B3GALT1: variants seen among roughly 807,000 people sequenced by gnomAD.
B3GALT1 encodes beta-1,3-galactosyltransferase 1, also known as UDP-Gal:betaGlcNAc beta 1,3-galactosyltransferase, polypeptide 1.
In B3GALT1, 10 loss-of-function variants were observed where a neutral mutation model predicts 23.2. The ratio of observed to expected loss-of-function variants is 0.43; its 90% CI spans 0.27 to 0.73. The LOEUF (loss-of-function observed/expected upper bound fraction) is 0.73. B3GALT1 is among the 30% of genes least tolerant of loss of function. The pLI, the probability that B3GALT1 is intolerant of heterozygous loss-of-function variation, is 0.21. For synonymous variants in B3GALT1, 156 were observed against 141.5 expected (o/e 1.10, Z -0.73); for missense variants, 299 against 405.4 (o/e 0.74, Z 2.25).
chr2:167,593,321 T>C (rs1056350968), intron 2 of B3GALT1, among the ~76,000 whole-genome samples: 2 of 152,128 alleles, frequency 1.3e-5, no homozygotes, highest in African/African-American at 2.4e-5. Flanking sequence ...TCCCAAGATA[T>C]TATTGACTGA....
At chr2:167,752,579 C>A (rs1462014901) in intron 3 of B3GALT1, among the ~76,000 whole-genome samples, 1 of 143,426 alleles carries the variant, frequency 7.0e-6, no homozygotes, top group Admixed American at 7.0e-5. Flanking sequence ...TCCTCCCCCC[C>A]GCCCCTCTCC....
Position 167,676,950 on chromosome 2 carries a change from G to A in B3GALT1, c.-352+29984G>A, listed in dbSNP as rs1258191168. 3.3e-5 allele frequency among the ~76,000 whole-genome samples: 5 copies of A among 152,074 alleles called. No individual in the cohort carries two copies. The East Asian group carries it at 9.6e-4, about 29-fold the overall frequency. Reference sequence around the variant, plus strand: ...CAAAGTTATTTTAAAATTCAAATTTGGTCCTGTTTCTTCCTTGATCAAAAA... The same window carrying A: ...CAAAGTTATTTTAAAATTCAAATTTAGTCCTGTTTCTTCCTTGATCAAAAA... On this transcript the variant is annotated intron_variant, in intron 3 of 4. Coordinates refer to ENST00000392690, the MANE Select transcript of B3GALT1 (RefSeq NM_020981.4).
At chr2:167,332,554 G>C (rs1410209065) in intron 1 of B3GALT1, among the ~76,000 whole-genome samples, 1 of 152,218 alleles carries the variant, frequency 6.6e-6, no homozygotes, top group Non-Finnish European at 1.5e-5. Flanking sequence ...TCCAAAGGCT[G>C]TTTCACAGCA....
chr2:167,578,144 G>T (rs990450022), intron 2 of B3GALT1, among the ~76,000 whole-genome samples: 3 of 151,886 alleles, frequency 2.0e-5, no homozygotes, highest in Admixed American at 6.6e-5. Flanking sequence ...ATTGGCATGT[G>T]AGCAATTACT....
intron 3 of B3GALT1, among the ~76,000 whole-genome samples, chr2:167,742,026 C>A (rs887880638): frequency 6.6e-6 from 1 of 151,070 alleles, no homozygotes; most frequent in Non-Finnish European, 1.5e-5. Context: ...GTCAGGTGTG[C>A]ATAACAGACT....
chr2:167,357,018 A>ATG (rs981311341), intron 1 of B3GALT1, among the ~76,000 whole-genome samples: 107 of 150,896 alleles, frequency 7.1e-4, no homozygotes, highest in African/African-American at 2.6e-3. Context: ...CCCAGTTTGT[A>ATG]TGTGTGTGTG....
chr2:167,698,441 G>A (rs1686820212), intron 3 of B3GALT1, among the ~76,000 whole-genome samples: 1 of 152,152 alleles, frequency 6.6e-6, no homozygotes, highest in Non-Finnish European at 1.5e-5. Context: ...GGAGATTAGA[G>A]ATTATCTCCC....
chr2:167,523,418 G>C (rs2105363035), intron 2 of B3GALT1, among the ~76,000 whole-genome samples: 1 of 141,998 alleles, frequency 7.0e-6, no homozygotes, highest in Admixed American at 7.4e-5. Flanking sequence ...AAAGTTTCTT[G>C]TGTATCCCTT....
At chr2:167,332,034 A>C (rs553321488) in intron 1 of B3GALT1, among the ~76,000 whole-genome samples, 1 of 152,202 alleles carries the variant, frequency 6.6e-6, no homozygotes, top group Non-Finnish European at 1.5e-5. Flanking sequence ...AAATGGTGCC[A>C]TGCTGCTTCT....
chr2:167,803,118 A>ACC (rs1553489038), intron 3 of B3GALT1, among the ~76,000 whole-genome samples: 5 of 146,854 alleles, frequency 3.4e-5, no homozygotes, highest in African/African-American at 1.3e-4. Context: ...ACACACACAC[A>ACC]CACCCCTTGG....
At chr2:167,631,568 A>G (rs1226153088) in intron 2 of B3GALT1, 1 of 151,712 alleles carries the variant, frequency 6.6e-6, no homozygotes, top group Admixed American at 6.6e-5. Context: ...TTTTTTTACT[A>G]ATCTGGGTTC....
chr2:167,415,172 TGAA>T (rs1698448931), intron 1 of B3GALT1, among the ~76,000 whole-genome samples: 2 of 152,320 alleles, frequency 1.3e-5, no homozygotes, highest in East Asian at 3.9e-4. Flanking sequence ...AGTGGGGCCT[TGAA>T]GAAGTCATTG....
rs1219658100 is a variant in B3GALT1, at chr2:167,605,958, G to A, written c.-409-40951G>A. On this transcript the variant is annotated intron_variant, in intron 2 of 4. Transcript: ENST00000392690. The stretch of plus-strand genomic sequence containing the variant: ...GAGAAAGATTATAGGGATGGTAACA[G>A]GCTGTGTGCATGTATTAGGTCAATT... 3.3e-5 allele frequency among the ~76,000 whole-genome samples: 5 copies of A among 152,166 alleles called. No homozygotes were observed. In the East Asian group the frequency reaches 9.6e-4, roughly 29 times the overall value.
chr2:167,604,422 T>G (rs886622819), intron 2 of B3GALT1, among the ~76,000 whole-genome samples: 2 of 152,240 alleles, frequency 1.3e-5, no homozygotes, highest in Non-Finnish European at 2.9e-5. Flanking sequence ...ATTTTGATAC[T>G]GTCACCTCTG....
At chr2:167,527,311 G>A (rs1683239545) in intron 2 of B3GALT1, among the ~76,000 whole-genome samples, 1 of 151,986 alleles carries the variant, frequency 6.6e-6, no homozygotes, top group African/African-American at 2.4e-5. Context: ...AATCCATTAT[G>A]TCCTTTGCCC....
chr2:167,522,988 T>C (rs1478474040), intron 2 of B3GALT1, among the ~76,000 whole-genome samples: 1 of 152,062 alleles, frequency 6.6e-6, no homozygotes, highest in Admixed American at 6.6e-5. Flanking sequence ...AAGAGCATAG[T>C]AGTGTAAGTG....
intron 1 of B3GALT1, among the ~76,000 whole-genome samples, chr2:167,419,576 T>C (rs1698518213): frequency 6.6e-6 from 1 of 152,150 alleles, no homozygotes; most frequent in East Asian, 1.9e-4. Context: ...AATTATGAGG[T>C]AAAGCATCTG....
intron 1 of B3GALT1, among the ~76,000 whole-genome samples, chr2:167,390,792 C>CTGAATGAATGAATGAA (rs142085694): frequency 6.6e-6 from 1 of 151,136 alleles, no homozygotes; most frequent in African/African-American, 2.4e-5. Flanking sequence ...TAGTAAATAT[C>CTGAATGAATGAATGAA]TGAATGAATG....
In B3GALT1 at chr2:167,873,421, C is replaced by G. The variant is rs899906687; in HGVS notation, c.*3401C>G. 1 of 151,990 alleles carries G rather than the reference C, an allele frequency of 6.6e-6. No individual in the cohort carries two copies. The highest frequency in any genetic ancestry group is 2.4e-5 in the African/African-American group (1 of 41,380). 9.4% of individuals were successfully genotyped at this position (151,990 alleles called of 1,614,324 possible). On this transcript the variant is annotated 3_prime_UTR_variant, in exon 5 of 5. Coordinates refer to ENST00000392690, the MANE Select transcript of B3GALT1 (RefSeq NM_020981.4). ...AAGAATAAAACCCCTTTGCGTGACA[C>G]GATATGGGGAAAATAAACTATTTAC...
Sources: allele counts gnomAD v4.1 joint callset (sites outside exome capture counted in the v4.1 genomes callset), GRCh38; gene constraint gnomAD v4.1.1; transcripts MANE v1.5; gene names NCBI Gene and HGNC (gene_info 2026-07-23, HGNC 2026-07-21).